The following NMNAT2 variants were observed in gnomAD, a reference collection of about 807,000 sequenced individuals.
The protein encoded by NMNAT2 is nicotinamide nucleotide adenylyltransferase 2.
In NMNAT2, 11 loss-of-function variants were observed where a neutral mutation model predicts 41.6. That is an observed-to-expected ratio of 0.26 (90% confidence interval 0.17 to 0.44). The LOEUF (loss-of-function observed/expected upper bound fraction) is 0.44. NMNAT2 is among the 20% of genes least tolerant of loss of function. The pLI is 1.00. For missense variants in NMNAT2, 288 were observed against 407.7 expected, an observed-to-expected ratio of 0.71 and a Z score of 2.53; for synonymous variants, 148 against 151.2, an observed-to-expected ratio of 0.98 and a Z score of 0.16.
chr1:183,302,614 C>T (rs1007043385), intron 1 of NMNAT2, among the ~76,000 whole-genome samples: 1 of 152,150 alleles, frequency 6.6e-6, no homozygotes, highest in African/African-American at 2.4e-5. Context: ...CAACCATGCC[C>T]CTAACTACCT....
intron 8 of NMNAT2, among the ~76,000 whole-genome samples, chr1:183,270,980 A>G (rs1272481017): frequency 6.6e-6 from 1 of 152,042 alleles, no homozygotes; most frequent in Non-Finnish European, 1.5e-5. Flanking sequence ...TAGCTGATGG[A>G]TGTAGGAAGC....
intron 1 of NMNAT2, among the ~76,000 whole-genome samples, chr1:183,386,052 C>G (rs1247674464): frequency 1.3e-5 from 2 of 152,052 alleles, no homozygotes; most frequent in African/African-American, 4.8e-5. Flanking sequence ...AGACCGGACG[C>G]TACTTGGGAG....
intron 8 of NMNAT2, among the ~76,000 whole-genome samples, chr1:183,265,769 G>A (rs973526034): frequency 1.3e-5 from 2 of 152,244 alleles, no homozygotes; most frequent in South Asian, 2.1e-4. Context: ...TAATGAACCC[G>A]AAAGATATCC....
intron 1 of NMNAT2, among the ~76,000 whole-genome samples, chr1:183,362,373 A>T (rs1663324125): frequency 6.6e-6 from 1 of 152,136 alleles, no homozygotes; most frequent in Non-Finnish European, 1.5e-5. Context: ...CAACATTTTC[A>T]TCACCCAAAA....
At chr1:183,344,534 A>G (rs1662885415) in intron 1 of NMNAT2, among the ~76,000 whole-genome samples, 1 of 152,186 alleles carries the variant, frequency 6.6e-6, no homozygotes, top group Admixed American at 6.5e-5. Flanking sequence ...TTATATTCTC[A>G]ACACTCTACT....
intron 1 of NMNAT2, among the ~76,000 whole-genome samples, chr1:183,302,610 T>C (rs1288225124): frequency 6.6e-6 from 1 of 152,130 alleles, no homozygotes; most frequent in Non-Finnish European, 1.5e-5. Flanking sequence ...AGACCAACCA[T>C]GCCCCTAACT....
chr1:183,281,507 A>G, intron 7 of NMNAT2, among the ~76,000 whole-genome samples: 1 of 152,220 alleles, frequency 6.6e-6, no homozygotes, highest in East Asian at 1.9e-4. Context: ...ATCCCAACCA[A>G]ATATAATATG....
chr1:183,337,229 A>T (rs1662695168), intron 1 of NMNAT2, among the ~76,000 whole-genome samples: 1 of 152,184 alleles, frequency 6.6e-6, no homozygotes. Flanking sequence ...GGGAAAAAAG[A>T]TTTCTACAAT....
intron 1 of NMNAT2, among the ~76,000 whole-genome samples, chr1:183,329,683 TCA>T (rs1353694334): frequency 6.6e-6 from 1 of 152,250 alleles, no homozygotes; most frequent in Non-Finnish European, 1.5e-5. Context: ...CTGAACATAT[TCA>T]CTTTCCTTCC....
At chr1:183,303,720 T>C (rs766191562) in intron 1 of NMNAT2, among the ~76,000 whole-genome samples, 14 of 152,196 alleles carry the variant, frequency 9.2e-5, no homozygotes, top group Admixed American at 4.6e-4. Flanking sequence ...TTAAGACAGT[T>C]TTCCAGTGAG....
chr1:183,362,455 C>T (rs567660835), intron 1 of NMNAT2, among the ~76,000 whole-genome samples: 1 of 152,186 alleles, frequency 6.6e-6, no homozygotes, highest in Non-Finnish European at 1.5e-5. Context: ...TCCCTGACGG[C>T]CACTACTCTA....
At chr1:183,320,223 T>C (rs1662330957) in intron 1 of NMNAT2, among the ~76,000 whole-genome samples, 1 of 152,216 alleles carries the variant, frequency 6.6e-6, no homozygotes, top group Non-Finnish European at 1.5e-5. Flanking sequence ...ATATGTGAAA[T>C]ATACAGAGAA....
rs7525158 is a variant in NMNAT2, at chr1:183,389,869, A to G, written c.85+28314T>C. ...GGAAAAAAGAGAAAGAAAGAAAGAAAGAAGGGAGGGAGGGAGGGAGGGAGG... is the reference window on the plus strand; with the variant it reads ...GGAAAAAAGAGAAAGAAAGAAAGAAGGAAGGGAGGGAGGGAGGGAGGGAGG... On this transcript the variant is annotated intron_variant, in intron 1 of 10. Coordinates refer to ENST00000287713, the MANE Select transcript of NMNAT2 (RefSeq NM_015039.4). Among the ~76,000 whole-genome samples, 200 of 43,908 alleles carry G rather than the reference A, an allele frequency of 4.6e-3. 35 individuals carry two copies. Among genetic ancestry groups the G allele is most frequent in the East Asian group, 0.01 (6 of 598 alleles). 28.8% of individuals were successfully genotyped at this position (43,908 alleles called of 152,430 possible).
At chr1:183,403,914 AG>A (rs1356928488) in intron 1 of NMNAT2, among the ~76,000 whole-genome samples, 1 of 152,194 alleles carries the variant, frequency 6.6e-6, no homozygotes, top group Non-Finnish European at 1.5e-5. Context: ...ATGCTATTAC[AG>A]GGGACAACCT....
intron 1 of NMNAT2, among the ~76,000 whole-genome samples, chr1:183,400,548 A>G (rs928949425): frequency 6.6e-6 from 1 of 152,232 alleles, no homozygotes; most frequent in Non-Finnish European, 1.5e-5. Context: ...TTCTTCACAG[A>G]ATTGGAAAAA....
intron 1 of NMNAT2, among the ~76,000 whole-genome samples, chr1:183,315,130 G>T (rs576416162): frequency 6.6e-6 from 1 of 152,160 alleles, no homozygotes; most frequent in East Asian, 1.9e-4. Flanking sequence ...TCTGATCATT[G>T]GTCTATCTCA....
At chr1:183,320,469 G>T (rs1264997171) in intron 1 of NMNAT2, among the ~76,000 whole-genome samples, 2 of 152,148 alleles carry the variant, frequency 1.3e-5, no homozygotes, top group African/African-American at 4.8e-5. Context: ...AGCCAGGTGT[G>T]GTGGCGGGTG....
intron 3 of NMNAT2, among the ~76,000 whole-genome samples, chr1:183,291,807 T>C (rs778083219): frequency 6.6e-6 from 1 of 152,232 alleles, no homozygotes; most frequent in Non-Finnish European, 1.5e-5. Context: ...TCTCTGGGCC[T>C]GTTTCTCACC....
intron 1 of NMNAT2, among the ~76,000 whole-genome samples, chr1:183,315,864 T>C (rs1413651129): frequency 6.6e-6 from 1 of 151,410 alleles, no homozygotes; most frequent in East Asian, 1.9e-4. Flanking sequence ...TGTATATCTA[T>C]GTAATAAACC....
Sources: gnomAD v4.1 joint callset for allele counts (sites outside exome capture counted in the v4.1 genomes callset) on GRCh38, gnomAD v4.1.1 for gene constraint, MANE v1.5 for transcripts, NCBI Gene and HGNC (gene_info 2026-07-23, HGNC 2026-07-21) for gene names.